Variants in PMEL observed in about 807,000 individuals in gnomAD.
PMEL encodes melanocyte protein PMEL.
In PMEL, 53 loss-of-function variants were observed where a neutral mutation model predicts 64.9. That is an observed-to-expected ratio of 0.82 (90% CI 0.66 to 1.03). The LOEUF is 1.03. Among genes scored for constraint, PMEL ranks in the 50% least tolerant of loss-of-function variants. The probability of loss-of-function intolerance (pLI) is 0.00; values close to 1 mark genes in which losing one functional copy is unlikely to be tolerated. For synonymous variants in PMEL, 299 were observed against 316.2 expected (o/e 0.95, Z 0.58); for missense variants, 716 against 814.9 (o/e 0.88, Z 1.48).
intron 1 of PMEL, among the ~76,000 whole-genome samples, chr12:55,962,823 G>A (rs981974442): frequency 2.0e-5 from 3 of 151,698 alleles, no homozygotes; most frequent in East Asian, 2.0e-4. Flanking sequence ...GAGCCACTGC[G>A]CCTCGCCTGT....
chr12:55,957,519 A>T lies in PMEL; in HGVS notation c.784T>A (p.Phe262Ile). ...AEADLSYTWDFGDSSGTLISR... is the reference protein window; with the variant it reads ...AEADLSYTWDIGDSSGTLISR... ...ATCAGGGTTCCACTACTGTCTCCAA[A>T]GTCCCAGGTGTAGGAGAGGTCAGCT... is the stretch of plus-strand genomic sequence containing the variant. Residue 262 changes from phenylalanine to isoleucine, a missense_variant, in exon 6 of 11, where the codon TTT (phenylalanine) becomes ATT (isoleucine). Phe to Ile is a conservative substitution (Grantham distance 21). Coordinates refer to ENST00000548747, the MANE Select transcript of PMEL (RefSeq NM_001384361.1). 5.0e-6 allele frequency: 8 copies of T among 1,614,030 alleles called. No homozygotes were observed. The highest frequency in any genetic ancestry group is 6.8e-6 in the Non-Finnish European group (8 of 1,179,992).
At position 55,956,158 on chromosome 12, in the gene PMEL, G is replaced by T; in HGVS notation, c.1416C>A (p.Pro472=). 1 of 1,614,088 alleles carries T rather than the reference G, an allele frequency of 6.2e-7. No homozygotes were observed. Among genetic ancestry groups the T allele is most frequent in the South Asian group, 1.1e-5 (1 of 91,078 alleles). ...ATLRLVKRQV[P]LDCVLYRYGS... is the part of the protein sequence containing the mutation. ...CATATCGATACAGAACACAATCCAGGGGGACTTGTCTCTTCACCAGCCTTA... is the reference window on the plus strand; with the variant it reads ...CATATCGATACAGAACACAATCCAGTGGGACTTGTCTCTTCACCAGCCTTA... Residue 472 remains proline (P), a synonymous_variant, in exon 7 of 11, where the codon CCC becomes CCA. Transcript: ENST00000548747.
rs754125606 is a variant in PMEL at position 55,956,156 on chromosome 12, A to T, written c.1418T>A (p.Leu473Gln). Residue 473 changes from leucine to glutamine, a missense_variant, in exon 7 of 11, where the codon CTG becomes CAG. By Grantham distance (113) the Leu-to-Gln change is moderately radical. Transcript: ENST00000548747. ...TLRLVKRQVP[L>Q]DCVLYRYGSF... ...ACCATATCGATACAGAACACAATCC[A>T]GGGGGACTTGTCTCTTCACCAGCCT... 1 of 1,614,108 alleles carries T rather than the reference A, an allele frequency of 6.2e-7. No individual in the cohort carries two copies. The highest frequency in any genetic ancestry group is 8.5e-7 in the Non-Finnish European group (1 of 1,179,946).
intron 7 of PMEL, 61 bp downstream of exon 7, chr12:55,956,042 C>T (rs1320592349): frequency 3.2e-6 from 4 of 1,251,692 alleles, no homozygotes; most frequent in East Asian, 2.3e-5. Context: ...TGTGCTTCCA[C>T]TGACCAGCCC....
chr12:55,958,559 T>C lies in PMEL; in HGVS notation c.383A>G (p.Asp128Gly). 6.2e-7 allele frequency: 1 copy of C among 1,614,076 alleles called. No individual in the cohort carries two copies. Among genetic ancestry groups the C allele is most frequent in the Non-Finnish European group, 8.5e-7 (1 of 1,179,948 alleles). Reference protein sequence around the residue: ...GQPVYPQETDDACIFPDGGPC... With the variant: ...GQPVYPQETDGACIFPDGGPC... ...TCCACCATCAGGGAAGATGCAGGCA[T>C]CGTCAGTTTCCTGGGGATACACTGG... Residue 128 changes from aspartate (D) to glycine (G), a missense_variant, in exon 4 of 11, where the codon GAT becomes GGT. Coordinates refer to ENST00000548747, the MANE Select transcript of PMEL (RefSeq NM_001384361.1).
intron 3 of PMEL, among the ~76,000 whole-genome samples, chr12:55,959,123 T>C (rs1318009400): frequency 1.3e-5 from 2 of 149,054 alleles, no homozygotes; most frequent in African/African-American, 4.9e-5. Context: ...CTCATGGCTG[T>C]AAACCCAGCA....
chr12:55,964,493 A>G (rs1889214055), intron 1 of PMEL, among the ~76,000 whole-genome samples: 1 of 151,974 alleles, frequency 6.6e-6, no homozygotes, highest in Non-Finnish European at 1.5e-5. Flanking sequence ...TTTCGTAGAG[A>G]CAAGGTCTCA....
At position 55,954,225 on chromosome 12, in the gene PMEL, G is replaced by T. The variant is rs771182966; in HGVS notation, c.1975C>A (p.Gln659Lys). ...TCATATGAGAGTACTCAGACCTGCT[G>T]CCCACTGAGGAGGGGGCTGTTCTCA... ...IGENSPLLSG[Q>K]QV Residue 659 changes from glutamine to lysine, a missense_variant, in exon 11 of 11, where the codon CAG becomes AAG. Coordinates refer to ENST00000548747, the MANE Select transcript of PMEL (RefSeq NM_001384361.1). 6.2e-7 allele frequency: 1 copy of T among 1,611,436 alleles called. No individual in the cohort carries two copies. The highest frequency in any genetic ancestry group is 1.7e-5 in the Admixed American group (1 of 59,280).
chr12:55,955,442 T>C, intron 9 of PMEL, 22 bp downstream of exon 9: 1 of 1,613,548 alleles, frequency 6.2e-7, no homozygotes, highest in South Asian at 1.1e-5. Flanking sequence ...TTCCTCATCT[T>C]AGCTCTTGTC....
intron 1 of PMEL, 29 bp downstream of exon 1, chr12:55,965,907 C>G (rs940243215): frequency 2.5e-5 from 40 of 1,613,972 alleles, no homozygotes; most frequent in Non-Finnish European, 3.3e-5. Flanking sequence ...CAAGTTCACA[C>G]CTGCTCATGT....
rs1396515549 is a variant in PMEL at position 55,954,170 on chromosome 12, G to T, written c.*44C>A. 1.3e-6 allele frequency: 2 copies of T among 1,560,944 alleles called. No homozygotes were observed. Among genetic ancestry groups the T allele is most frequent in the Non-Finnish European group, 1.7e-6 (2 of 1,151,288 alleles). On this transcript the variant is annotated 3_prime_UTR_variant, in exon 11 of 11. Coordinates refer to ENST00000548747, the MANE Select transcript of PMEL (RefSeq NM_001384361.1). ...AGGGAAGACTGGGGGAAATATAGGTGTTTCTGTCAACTCCAGGAAAATCAC... is the reference window on the plus strand; with the variant it reads ...AGGGAAGACTGGGGGAAATATAGGTTTTTCTGTCAACTCCAGGAAAATCAC...
In PMEL at chr12:55,954,347, C is replaced by T. The variant is rs746019205; in HGVS notation, c.1853G>A (p.Arg618His). ...GGAGAAGTCTTGCTTCATAAGTCTG[C>T]GCCTGATATTGGGAGAAGGGGTAAA... ...AVVLASLIYR[R>H]RLMKQDFSVP... The change falls in exon 11 of 11, where the codon CGC (arginine) becomes CAC (histidine). Residue 618 changes from arginine (R) to histidine (H), a missense_variant and splice_region_variant. Physicochemically the swap from Arg to His is conservative, Grantham distance 29. Transcript: ENST00000548747. 28 of 1,613,834 alleles carry T rather than the reference C, an allele frequency of 1.7e-5. No homozygotes were observed. Among genetic ancestry groups the T allele is most frequent in the Middle Eastern group, 1.6e-4 (1 of 6,080 alleles).
chr12:55,958,685 G>C, intron 3 of PMEL, 78 bp from the exon 4 acceptor site: 1 of 1,446,884 alleles, frequency 6.9e-7, no homozygotes, highest in Non-Finnish European at 9.5e-7. Context: ...TTGCTCCCAG[G>C]GTATCAGAGA....
chr12:55,965,608 C>T (rs1022333572), intron 1 of PMEL, among the ~76,000 whole-genome samples: 1 of 152,148 alleles, frequency 6.6e-6, no homozygotes, highest in African/African-American at 2.4e-5. Context: ...CTTTAAATCT[C>T]CTACCCCAAG....
At chr12:55,959,288 G>A (rs1233929346) in intron 3 of PMEL, among the ~76,000 whole-genome samples, 1 of 151,846 alleles carries the variant, frequency 6.6e-6, no homozygotes, top group Admixed American at 6.6e-5. Context: ...CAGGGGCTGA[G>A]GAAGGAGGAT....
intron 4 of PMEL, 113 bp downstream of exon 4, chr12:55,958,360 A>T: frequency 9.1e-7 from 1 of 1,098,770 alleles, no homozygotes; most frequent in South Asian, 1.5e-5. Flanking sequence ...AGGAAAATGA[A>T]GATTAGAGAA....
chr12:55,955,205 C>G, intron 10 of PMEL, 69 bp downstream of exon 10: 1 of 1,149,208 alleles, frequency 8.7e-7, no homozygotes, highest in Non-Finnish European at 1.3e-6. Flanking sequence ...GGTTTCTTCT[C>G]CCCTTGAGGA....
Position 55,957,134 on chromosome 12 carries a change from G to T in PMEL, c.1169C>A (p.Ala390Glu). Residue 390 changes from alanine to glutamate, a missense_variant, in exon 6 of 11, where the codon GCA becomes GAA. Coordinates refer to ENST00000548747, the MANE Select transcript of PMEL (RefSeq NM_001384361.1). ...TGTAGCCTCTGGAGTTGACATCTCT[G>T]CCAGTGTGGTACCCATGACCTCTGA... ...PVSEVMGTTL[A>E]EMSTPEATGM... 6.2e-7 allele frequency: 1 copy of T among 1,614,190 alleles called. No individual in the cohort carries two copies. The highest frequency in any genetic ancestry group is 8.5e-7 in the Non-Finnish European group (1 of 1,180,012).
chr12:55,966,281 C>T (rs769148052), upstream of PMEL: 2 of 535,742 alleles, frequency 3.7e-6, no homozygotes, highest in Non-Finnish European at 6.7e-6. Context: ...AAGGCAGCTG[C>T]GTAACACATA....
Sources: allele counts gnomAD v4.1 joint callset (sites outside exome capture counted in the v4.1 genomes callset), GRCh38; gene constraint gnomAD v4.1.1; transcripts MANE v1.5; gene names NCBI Gene and HGNC (gene_info 2026-07-23, HGNC 2026-07-21).